The following ZNF518A variants were observed in gnomAD, a reference collection of about 807,000 sequenced individuals.
ZNF518A encodes zinc finger protein 518A.
Under a neutral mutation model 102.7 loss-of-function variants are expected in ZNF518A, and 47 were observed. That is an observed-to-expected ratio of 0.46 (90% CI 0.36 to 0.58). The LOEUF (loss-of-function observed/expected upper bound fraction) is 0.58, where lower values mean the gene tolerates loss of function less well. ZNF518A is among the 20% of genes least tolerant of loss of function. The probability of loss-of-function intolerance (pLI) is 0.00; values close to 1 mark genes in which losing one functional copy is unlikely to be tolerated. For missense variants in ZNF518A, 1,793 were observed against 1,699.8 expected, an observed-to-expected ratio of 1.05 and a Z score of -0.96; for synonymous variants, 652 against 594.6, an observed-to-expected ratio of 1.10 and a Z score of -1.40.
At chr10:96,135,400 G>A (rs137943267) in intron 3 of ZNF518A, 4 of 152,338 alleles carry the variant, frequency 2.6e-5, no homozygotes, top group African/African-American at 9.6e-5. Context: ...GCAGCAGAAA[G>A]TGTTCTGATG....
At chr10:96,179,787 TTCCTCC>T (rs782467070) in intron 1 of ZNF518A, among the ~76,000 whole-genome samples, 6 of 151,554 alleles carry the variant, frequency 4.0e-5, no homozygotes, top group East Asian at 1.9e-4. Context: ...CCTTTTCTTC[TTCCTCC>T]TCCTCCTCCT....
At chr10:96,197,898 A>AGT (rs2083513463) in intron 1 of ZNF518A, among the ~76,000 whole-genome samples, 1 of 149,530 alleles carries the variant, frequency 6.7e-6, no homozygotes. Context: ...CCTGGGTGAC[A>AGT]GAGCGAGACA....
At chr10:96,197,212 C>T (rs587742115) in intron 1 of ZNF518A, 2 of 615,508 alleles carry the variant, frequency 3.2e-6, no homozygotes, top group African/African-American at 3.7e-5. Flanking sequence ...TAGCGCTTGT[C>T]TTCTTATTTT....
intron 3 of ZNF518A, among the ~76,000 whole-genome samples, chr10:96,136,978 A>G (rs946838997): frequency 2.0e-5 from 3 of 152,246 alleles, no homozygotes; most frequent in Non-Finnish European, 1.5e-5. Context: ...AAAAGAAGCC[A>G]TAGGCAATAT....
chr10:96,184,391 T>C (rs1306132720), intron 1 of ZNF518A, among the ~76,000 whole-genome samples: 4 of 152,256 alleles, frequency 2.6e-5, no homozygotes, highest in Non-Finnish European at 4.4e-5. Flanking sequence ...AGTTTCTTCC[T>C]AGCATCTATG....
chr10:96,166,745 C>T (rs989383561), downstream of ZNF518A, among the ~76,000 whole-genome samples: 1 of 151,944 alleles, frequency 6.6e-6, no homozygotes, highest in African/African-American at 2.4e-5. Context: ...CCAGCCTAGG[C>T]GACAGAGCGA....
intron 1 of ZNF518A, among the ~76,000 whole-genome samples, chr10:96,184,807 T>C (rs1554892385): frequency 6.6e-6 from 1 of 152,180 alleles, no homozygotes; most frequent in Non-Finnish European, 1.5e-5. Flanking sequence ...GAGGAGTATC[T>C]TTGTGGCATT....
At chr10:96,129,950 A>T (rs1290901674), upstream of ZNF518A, 1 of 152,672 alleles carries the variant, frequency 6.5e-6, no homozygotes, top group African/African-American at 2.4e-5. Flanking sequence ...CGTCAGACCG[A>T]GCGCGGACCC....
chr10:96,160,138 T>C lies in ZNF518A; in HGVS notation c.3816T>C (p.Ser1272=). The C allele has an allele frequency of 6.2e-7, 1 of 1,610,028 alleles. No individual in the cohort carries two copies. ...GSKDSETAFV[S]RNRNCKRKCR... ...AAGACTCTGAAACTGCCTTTGTATC[T>C]AGAAACAGAAACTGTAAACGAAAGT... Residue 1272 remains serine (S), a synonymous_variant, in exon 6 of 6, where the codon TCT becomes TCC. Transcript: ENST00000316045.
In ZNF518A at chr10:96,159,619, T is replaced by A. The variant is rs781964784; in HGVS notation, c.3297T>A (p.Pro1099=). The change falls in exon 6 of 6, where the codon CCT becomes CCA. Residue 1099 remains proline (P), a synonymous_variant. Coordinates refer to ENST00000316045, the MANE Select transcript of ZNF518A (RefSeq NM_001330736.2). ...FPKPPLYTFL[P]DGKQAVFLKC... is the part of the protein sequence containing the mutation. ...AACCACCTCTTTATACCTTCTTGCC[T>A]GATGGCAAACAAGCTGTTTTTTTAA... 1.2e-6 allele frequency: 2 copies of A among 1,613,758 alleles called. No individual in the cohort carries two copies. The highest frequency in any genetic ancestry group is 2.7e-5 in the African/African-American group (2 of 74,944).
intron 1 of ZNF518A, among the ~76,000 whole-genome samples, chr10:96,179,224 G>C (rs974938082): frequency 9.9e-5 from 15 of 151,900 alleles, no homozygotes; most frequent in Non-Finnish European, 2.1e-4. Flanking sequence ...CTGCAGGCAA[G>C]AAAAATAAAA....
At chr10:96,180,450 C>T (rs2133891919) in intron 1 of ZNF518A, among the ~76,000 whole-genome samples, 1 of 152,030 alleles carries the variant, frequency 6.6e-6, no homozygotes, top group South Asian at 2.1e-4. Flanking sequence ...CACCCATTAA[C>T]TCGTAATTTA....
At chr10:96,173,515 A>G (rs2083185092) in intron 1 of ZNF518A, among the ~76,000 whole-genome samples, 1 of 152,180 alleles carries the variant, frequency 6.6e-6, no homozygotes, top group South Asian at 2.1e-4. Context: ...TTTTCAAAAA[A>G]CATTATTAAC....
downstream of ZNF518A, among the ~76,000 whole-genome samples, chr10:96,165,394 A>G (rs1366178919): frequency 6.6e-6 from 1 of 151,392 alleles, no homozygotes; most frequent in East Asian, 1.9e-4. Context: ...GGCATGAGCC[A>G]CCATGCCCAG....
chr10:96,172,696 A>G (rs1340778326), intron 1 of ZNF518A, among the ~76,000 whole-genome samples: 2 of 152,166 alleles, frequency 1.3e-5, no homozygotes, highest in African/African-American at 4.8e-5. Flanking sequence ...AAAATAAAAC[A>G]TCATTAAAGG....
chr10:96,159,648 G>T lies in ZNF518A; in HGVS notation c.3326G>T (p.Cys1109Phe). 6.2e-7 allele frequency: 1 copy of T among 1,613,638 alleles called. No individual in the cohort carries two copies. Among genetic ancestry groups the T allele is most frequent in the South Asian group, 1.1e-5 (1 of 91,070 alleles). The change falls in exon 6 of 6, where the codon TGT (cysteine) becomes TTT (phenylalanine). Residue 1109 changes from cysteine to phenylalanine, a missense_variant. Physicochemically the swap from Cys to Phe is radical, Grantham distance 205. Transcript: ENST00000316045. ...GGCAAACAAGCTGTTTTTTTAAAGT[G>T]TGTGATGCCAAATAAAACTGAGCTG... ...PDGKQAVFLK[C>F]VMPNKTELLK...
In ZNF518A at chr10:96,204,045, C is replaced by T. The variant is rs375361757; in HGVS notation, n.216C>T. 6.8e-6 allele frequency: 11 copies of T among 1,611,012 alleles called. No homozygotes were observed. The highest frequency in any genetic ancestry group is 2.7e-5 in the African/African-American group (2 of 74,808). ...CACTCCCTGATACACTACATGGCTT[C>T]GTTGTACTTACTTGGCAGAGGTATG... On this transcript the variant is annotated non_coding_transcript_exon_variant, in exon 3 of 3. Coordinates refer to the ZNF518A transcript ENST00000442635.
chr10:96,187,634 T>A (rs2083280230), intron 1 of ZNF518A, among the ~76,000 whole-genome samples: 1 of 152,206 alleles, frequency 6.6e-6, no homozygotes, highest in Admixed American at 6.5e-5. Flanking sequence ...TTGAACAAAC[T>A]TGAAAATCTT....
In ZNF518A at chr10:96,176,146, G is replaced by A. The variant is rs2083203586; in HGVS notation, n.35+20099G>A. Among the ~76,000 whole-genome samples the A allele has an allele frequency of 2.0e-5, 3 of 151,942 alleles. No individual in the cohort carries two copies. In the South Asian group the frequency reaches 6.2e-4, roughly 32 times the overall value. On this transcript the variant is annotated intron_variant and non_coding_transcript_variant, in intron 1 of 2. Transcript: ENST00000442635. The stretch of plus-strand genomic sequence containing the variant: ...GACAGGGTCTATGTTGCCCAGGCTG[G>A]TCTCAGACTCCTGGCCTCAAGTGAT...
Sources: gnomAD v4.1 joint callset for allele counts (sites outside exome capture counted in the v4.1 genomes callset) on GRCh38, gnomAD v4.1.1 for gene constraint, MANE v1.5 for transcripts, NCBI Gene and HGNC (gene_info 2026-07-23, HGNC 2026-07-21) for gene names.